The following DLGAP1 variants were observed in gnomAD, a reference collection of about 807,000 sequenced individuals.
The protein encoded by DLGAP1 is DLG associated protein 1, also known as disks large-associated protein 1.
DLGAP1 carries 11 observed loss-of-function variants against 90.8 expected under a neutral mutation model. The ratio of observed to expected loss-of-function variants is 0.12; its 90% CI spans 0.08 to 0.20. DLGAP1 has a LOEUF of 0.20. Ranked by LOEUF, DLGAP1 falls within the 10% of genes least tolerant of loss-of-function variation. The pLI is 1.00. For synonymous variants in DLGAP1, 558 were observed against 540.7 expected (o/e 1.03, Z -0.44); for missense variants, 1,050 against 1,333.8 (o/e 0.79, Z 3.31).
At chr18:3,657,510 G>T (rs144946442) in intron 7 of DLGAP1, among the ~76,000 whole-genome samples, 109 of 152,084 alleles carry the variant, frequency 7.2e-4, no homozygotes, top group African/African-American at 2.2e-3. Context: ...TTGCTGATAC[G>T]AAAGATATGT....
Position 3,651,581 on chromosome 18 carries a change from C to T in DLGAP1, c.1592-69333G>A, listed in dbSNP as rs552977942. Reference sequence around the variant, plus strand: ...GCCAAGGCGGTCAGATCACTTGAGGCCAGGAGTTTGAGACCAGCCTGGCCA... The same window carrying T: ...GCCAAGGCGGTCAGATCACTTGAGGTCAGGAGTTTGAGACCAGCCTGGCCA... On this transcript the variant is annotated intron_variant, in intron 7 of 12. Transcript: ENST00000315677. 3.0e-4 allele frequency among the ~76,000 whole-genome samples: 46 copies of T among 151,778 alleles called. No homozygotes were observed. The South Asian group carries it at 9.1e-3, about 30-fold the overall frequency.
chr18:3,511,134 G>T (rs1413733115), intron 10 of DLGAP1, among the ~76,000 whole-genome samples: 1 of 152,216 alleles, frequency 6.6e-6, no homozygotes, highest in African/African-American at 2.4e-5. Context: ...AGGGTGGGGA[G>T]ATGACTGCTT....
At chr18:4,080,684 C>A (rs1172138466) in intron 2 of DLGAP1, among the ~76,000 whole-genome samples, 4 of 152,148 alleles carry the variant, frequency 2.6e-5, no homozygotes, top group Non-Finnish European at 5.9e-5. Context: ...AACAAGACCC[C>A]CTTTGCTAGC....
intron 7 of DLGAP1, among the ~76,000 whole-genome samples, chr18:3,714,833 G>A (rs1172756665): frequency 2.6e-5 from 4 of 151,878 alleles, no homozygotes; most frequent in Admixed American, 6.6e-5. Flanking sequence ...ACGGGGTTTC[G>A]CCATGTTGGC....
chr18:4,123,557 G>A (rs1291576979), intron 2 of DLGAP1, among the ~76,000 whole-genome samples: 1 of 152,142 alleles, frequency 6.6e-6, no homozygotes, highest in Non-Finnish European at 1.5e-5. Context: ...ATGACTAAAT[G>A]ACCCTACATG....
chr18:3,619,786 A>T (rs1599575457), intron 7 of DLGAP1, among the ~76,000 whole-genome samples: 1 of 96,278 alleles, frequency 1.0e-5, no homozygotes, highest in Admixed American at 1.3e-4. Context: ...ATGGAAGGAT[A>T]TTTGCCGGAG....
At chr18:4,011,564 C>T (rs11081089) in intron 2 of DLGAP1, among the ~76,000 whole-genome samples, 24,862 of 152,004 alleles carry the variant, frequency 0.16, 2,088 homozygotes, top group Non-Finnish European at 0.19. Context: ...TGTCTGTAAT[C>T]CCAGCACTTT....
chr18:3,688,191 G>A (rs1054304025), intron 7 of DLGAP1, among the ~76,000 whole-genome samples: 2 of 152,112 alleles, frequency 1.3e-5, no homozygotes, highest in African/African-American at 4.8e-5. Flanking sequence ...GATTACAGGT[G>A]TGAGCCACCG....
intron 1 of DLGAP1, among the ~76,000 whole-genome samples, chr18:4,344,847 CCTTGTTCACTAGGACA>C (rs1423003039): frequency 6.6e-6 from 1 of 152,116 alleles, no homozygotes; most frequent in African/African-American, 2.4e-5. Flanking sequence ...ATTTACCAAG[CCTTGTTCACTAGGACA>C]TTTTTGAGAT....
chr18:3,661,388 C>T (rs141956134), intron 7 of DLGAP1, among the ~76,000 whole-genome samples: 2 of 152,136 alleles, frequency 1.3e-5, no homozygotes, highest in Non-Finnish European at 2.9e-5. Context: ...ATGATGCTGT[C>T]TGCCCAGATC....
intron 2 of DLGAP1, among the ~76,000 whole-genome samples, chr18:4,037,818 G>C (rs550015133): frequency 8.5e-5 from 13 of 152,270 alleles, no homozygotes; most frequent in African/African-American, 3.1e-4. Flanking sequence ...AAATTGGCTG[G>C]GTATCTTGGT....
At chr18:4,081,097 A>G (rs1402079369) in intron 2 of DLGAP1, among the ~76,000 whole-genome samples, 1 of 152,138 alleles carries the variant, frequency 6.6e-6, no homozygotes, top group African/African-American at 2.4e-5. Context: ...CGTGTTGGCC[A>G]GGCTGGTCTC....
At chr18:3,701,372 C>A (rs1204670674) in intron 7 of DLGAP1, among the ~76,000 whole-genome samples, 1 of 152,142 alleles carries the variant, frequency 6.6e-6, no homozygotes, top group Non-Finnish European at 1.5e-5. Flanking sequence ...TTGGGGCCTC[C>A]AAAAGCAATC....
At chr18:4,369,493 A>G (rs2081864145) in intron 1 of DLGAP1, among the ~76,000 whole-genome samples, 1 of 152,000 alleles carries the variant, frequency 6.6e-6, no homozygotes, top group Non-Finnish European at 1.5e-5. Flanking sequence ...ATAACTTAAT[A>G]TTGTCTGTTT....
chr18:3,838,385 C>T (rs530054406), intron 4 of DLGAP1, among the ~76,000 whole-genome samples: 2 of 152,282 alleles, frequency 1.3e-5, no homozygotes, highest in Admixed American at 6.5e-5. Context: ...GGTAAAGCAT[C>T]GTAACTGGGC....
intron 2 of DLGAP1, among the ~76,000 whole-genome samples, chr18:4,007,018 T>TA (rs941455656): frequency 1.3e-5 from 2 of 152,156 alleles, no homozygotes; most frequent in African/African-American, 2.4e-5. Context: ...AGTAATTGTA[T>TA]AGAAATAGGG....
At chr18:4,092,939 CTG>C (rs1209692814) in intron 2 of DLGAP1, among the ~76,000 whole-genome samples, 1 of 152,106 alleles carries the variant, frequency 6.6e-6, no homozygotes. Context: ...CTTCTTTTAA[CTG>C]TATGGAGCCT....
intron 5 of DLGAP1, among the ~76,000 whole-genome samples, chr18:3,765,572 G>A (rs2064203202): frequency 2.0e-5 from 3 of 151,486 alleles, no homozygotes; most frequent in South Asian, 4.2e-4. Flanking sequence ...GGTGGCTCAC[G>A]CCTGTAATCC....
intron 4 of DLGAP1, chr18:3,845,139 A>G: frequency 1.4e-6 from 2 of 1,465,968 alleles, no homozygotes. Context: ...TAACTCCAGT[A>G]TGTTAAAAGA....
Sources: allele counts gnomAD v4.1 joint callset (sites outside exome capture counted in the v4.1 genomes callset), GRCh38; gene constraint gnomAD v4.1.1; transcripts MANE v1.5; gene names NCBI Gene and HGNC (gene_info 2026-07-23, HGNC 2026-07-21).